The following PPARD variants were observed in gnomAD, a reference collection of about 807,000 sequenced individuals.
The protein encoded by PPARD is peroxisome proliferator activated receptor delta, also known as peroxisome proliferator-activated receptor delta.
PPARD carries 6 observed loss-of-function variants against 39.5 expected under a neutral mutation model. The ratio of observed to expected loss-of-function variants is 0.15; its 90% CI spans 0.08 to 0.30. The LOEUF is 0.30. Among genes scored for constraint, PPARD ranks in the 10% least tolerant of loss-of-function variants. The pLI, the probability that PPARD is intolerant of heterozygous loss-of-function variation, is 1.00. For synonymous variants in PPARD, 210 were observed against 231.3 expected (o/e 0.91, Z 0.83); for missense variants, 397 against 596.8 (o/e 0.67, Z 3.49).
At chr6:35,349,666 GT>G (rs1305762432) in intron 2 of PPARD, among the ~76,000 whole-genome samples, 9 of 148,490 alleles carry the variant, frequency 6.1e-5, no homozygotes, top group East Asian at 2.0e-4. Context: ...GCCTGGCTAA[GT>G]TTTTTTTTTG....
intron 2 of PPARD, among the ~76,000 whole-genome samples, chr6:35,392,674 G>A (rs776077645): frequency 2.0e-5 from 3 of 152,270 alleles, no homozygotes; most frequent in Middle Eastern, 6.8e-3. Flanking sequence ...TGCTCGGGAC[G>A]CCCCAGGATT....
At chr6:35,352,552 C>T (rs1761329710) in intron 2 of PPARD, among the ~76,000 whole-genome samples, 1 of 152,168 alleles carries the variant, frequency 6.6e-6, no homozygotes, top group African/African-American at 2.4e-5. Context: ...ATTTATTCAT[C>T]TAGGACATTC....
chr6:35,403,558 C>T (rs9658122), intron 2 of PPARD, among the ~76,000 whole-genome samples: 2,262 of 152,244 alleles, frequency 0.015, 71 homozygotes, highest in African/African-American at 0.049. Flanking sequence ...TTTATTCATC[C>T]AGCAAACGTA....
chr6:35,365,283 C>G (rs1762151451), intron 2 of PPARD, among the ~76,000 whole-genome samples: 1 of 150,004 alleles, frequency 6.7e-6, no homozygotes, highest in Non-Finnish European at 1.5e-5. Flanking sequence ...AGGTGCTTGC[C>G]ACCACACCCA....
intron 2 of PPARD, among the ~76,000 whole-genome samples, chr6:35,358,826 C>T (rs1316179260): frequency 6.6e-6 from 1 of 152,126 alleles, no homozygotes; most frequent in Non-Finnish European, 1.5e-5. Context: ...TATTGTGTAC[C>T]TCCTATGTGC....
chr6:35,345,874 G>GTTTTTTTTT (rs947186291), intron 1 of PPARD, among the ~76,000 whole-genome samples: 2 of 114,612 alleles, frequency 1.7e-5, no homozygotes, highest in Non-Finnish European at 3.6e-5. Context: ...CTTTTTTTTC[G>GTTTTTTTTT]TTTTTTTTTT....
In PPARD at chr6:35,366,168, C is replaced by T. The variant is rs1417140523; in HGVS notation, c.-102+19018C>T. Among the ~76,000 whole-genome samples, 4 of 151,836 alleles carry T rather than the reference C, an allele frequency of 2.6e-5. 1 individual carries two copies. The highest frequency in any genetic ancestry group is 9.7e-5 in the African/African-American group (4 of 41,062). On this transcript the variant is annotated intron_variant, in intron 2 of 7. Transcript: ENST00000360694. The surrounding 1 kb of genome is among the most constrained non-coding windows in gnomAD (Gnocchi z 4.6). ...CCCCAAAACTTAGTAGCTTAAAACA[C>T]TATCTCGCAGTTTCTATGGGTTAGG...
intron 2 of PPARD, among the ~76,000 whole-genome samples, chr6:35,386,493 A>G (rs1763668486): frequency 7.3e-6 from 1 of 136,468 alleles, no homozygotes. Context: ...CCCATCTTAA[A>G]AACAAACAAA....
At chr6:35,418,053 G>A (rs1765888993) in intron 3 of PPARD, among the ~76,000 whole-genome samples, 2 of 152,262 alleles carry the variant, frequency 1.3e-5, no homozygotes, top group South Asian at 4.1e-4. Context: ...GAGGGTATTG[G>A]CCACTGTGGA....
At chr6:35,377,737 T>C (rs1222836848) in intron 2 of PPARD, among the ~76,000 whole-genome samples, 2 of 152,170 alleles carry the variant, frequency 1.3e-5, no homozygotes, top group Non-Finnish European at 2.9e-5. Context: ...TTGCACTGTT[T>C]ATTCCTTTGC....
In PPARD at chr6:35,426,535, G is replaced by C; in HGVS notation, c.*456G>C. ...GGGGCCTGCCCTCTGCCCCATCATT[G>C]CACCTGCAGGCTTAGGTCCTCACTT... On this transcript the variant is annotated 3_prime_UTR_variant, in exon 8 of 8. Coordinates refer to ENST00000360694, the MANE Select transcript of PPARD (RefSeq NM_006238.5). 2 of 172,964 alleles carry C rather than the reference G, an allele frequency of 1.2e-5. No individual in the cohort carries two copies. The highest frequency in any genetic ancestry group is 5.9e-5 in the Admixed American group (1 of 16,974). The allele number at this position is 172,964 out of a possible 1,614,324, so 10.7% of individuals were successfully genotyped here.
At chr6:35,343,616 G>A (rs1444482641) in intron 1 of PPARD, among the ~76,000 whole-genome samples, 2 of 152,212 alleles carry the variant, frequency 1.3e-5, no homozygotes, top group Non-Finnish European at 2.9e-5. Context: ...GAGAATGTAC[G>A]TGGGTGTTGC....
intron 2 of PPARD, among the ~76,000 whole-genome samples, chr6:35,380,491 T>TTTTTG (rs1763094006): frequency 7.8e-6 from 1 of 127,758 alleles, no homozygotes; most frequent in Non-Finnish European, 1.6e-5. Context: ...TTTTTTTTTT[T>TTTTTG]TTTTTTTTTT....
chr6:35,422,574 G>A (rs1766247075), intron 5 of PPARD, among the ~76,000 whole-genome samples: 1 of 152,152 alleles, frequency 6.6e-6, no homozygotes, highest in Non-Finnish European at 1.5e-5. Flanking sequence ...ACCCCTAGAG[G>A]ACAGGGGAGA....
At chr6:35,358,143 C>T (rs1384101924) in intron 2 of PPARD, among the ~76,000 whole-genome samples, 1 of 152,136 alleles carries the variant, frequency 6.6e-6, no homozygotes. Flanking sequence ...AATGCAATCC[C>T]AAGTGTCCTT....
At chr6:35,395,591 T>A in intron 2 of PPARD, among the ~76,000 whole-genome samples, 1 of 152,194 alleles carries the variant, frequency 6.6e-6, no homozygotes, top group Non-Finnish European at 1.5e-5. Context: ...AGGTTTCACC[T>A]AGAGAAGATG....
rs137946934 is a variant in PPARD at position 35,369,481 on chromosome 6, A to C, written c.-102+22331A>C. Among the ~76,000 whole-genome samples, 1,224 of 152,300 alleles carry C rather than the reference A, an allele frequency of 8.0e-3. 23 individuals carry two copies. Among genetic ancestry groups the C allele is most frequent in the African/African-American group, 0.028 (1,166 of 41,562 alleles). ...CGATGCCCCATCCCGCCCTTACTCC[A>C]GCCCAAGACTACCACTCATCTGCTT... On this transcript the variant is annotated intron_variant, in intron 2 of 7. Transcript: ENST00000360694.
rs1480165008 is a variant in PPARD, at chr6:35,398,152, C to G, written c.-101-12835C>G. On this transcript the variant is annotated intron_variant, in intron 2 of 7. Transcript: ENST00000360694. Reference sequence around the variant, plus strand: ...GGAAGCTCCAGGAAGGATTTGATCACAGGAGGGACAGAATCTGAATTGTAT... The same window carrying G: ...GGAAGCTCCAGGAAGGATTTGATCAGAGGAGGGACAGAATCTGAATTGTAT... 2.0e-5 allele frequency among the ~76,000 whole-genome samples: 3 copies of G among 152,090 alleles called. No homozygotes were observed. In the South Asian group the frequency reaches 6.2e-4, roughly 32 times the overall value.
intron 3 of PPARD, among the ~76,000 whole-genome samples, chr6:35,417,090 A>G (rs1479021640): frequency 6.6e-6 from 1 of 151,996 alleles, no homozygotes; most frequent in Non-Finnish European, 1.5e-5. Context: ...TCATCTTCCC[A>G]CATTCAGGCA....
Sources: allele counts gnomAD v4.1 joint callset (sites outside exome capture counted in the v4.1 genomes callset), GRCh38; gene constraint gnomAD v4.1.1; non-coding constraint Gnocchi (gnomAD v3.1); transcripts MANE v1.5; gene names NCBI Gene and HGNC (gene_info 2026-07-23, HGNC 2026-07-21).